METTL15: variants seen among roughly 807,000 people sequenced by gnomAD.
METTL15 encodes the protein methyltransferase 15, mitochondrial 12S rRNA N4-cytidine.
In METTL15, 34 loss-of-function variants were observed where a neutral mutation model predicts 38.3. That is an observed-to-expected ratio of 0.89 (90% CI 0.68 to 1.18). The LOEUF (loss-of-function observed/expected upper bound fraction) is 1.18, where lower values mean the gene tolerates loss of function less well. Among genes scored for constraint, METTL15 ranks in the 50% most tolerant of loss-of-function variants. METTL15 has a pLI of 0.00. For missense variants in METTL15, 438 were observed against 498.4 expected, an observed-to-expected ratio of 0.88 and a Z score of 1.15; for synonymous variants, 162 against 170.9, an observed-to-expected ratio of 0.95 and a Z score of 0.41.
intron 5 of METTL15, among the ~76,000 whole-genome samples, chr11:28,368,855 AC>A (rs1488910560): frequency 6.6e-6 from 1 of 152,134 alleles, no homozygotes; most frequent in Non-Finnish European, 1.5e-5. Context: ...CTTTGCAAAG[AC>A]ATGGATGAAG....
intron 6 of METTL15, among the ~76,000 whole-genome samples, chr11:28,522,390 T>C (rs1851771909): frequency 6.6e-6 from 1 of 152,224 alleles, no homozygotes; most frequent in Admixed American, 6.5e-5. Flanking sequence ...AAGAGCTGAC[T>C]GTACAGTTCA....
chr11:28,400,729 G>T (rs189878676), intron 5 of METTL15, among the ~76,000 whole-genome samples: 151 of 152,028 alleles, frequency 9.9e-4, no homozygotes, highest in African/African-American at 1.9e-3. Context: ...CCACTACTGT[G>T]GGTGGGCTTG....
At chr11:28,279,680 C>T (rs996823005) in intron 4 of METTL15, among the ~76,000 whole-genome samples, 3 of 152,110 alleles carry the variant, frequency 2.0e-5, no homozygotes, top group Non-Finnish European at 2.9e-5. Flanking sequence ...GCAGGTGGAT[C>T]ACAAGGTCAG....
At chr11:28,212,843 T>C (rs1357336527) in intron 4 of METTL15, among the ~76,000 whole-genome samples, 3 of 152,134 alleles carry the variant, frequency 2.0e-5, no homozygotes, top group Non-Finnish European at 4.4e-5. Flanking sequence ...TCGTAAGATA[T>C]TGTTGTTTCT....
intron 4 of METTL15, among the ~76,000 whole-genome samples, chr11:28,247,620 G>A (rs1033956331): frequency 2.6e-5 from 4 of 152,056 alleles, no homozygotes; most frequent in African/African-American, 7.2e-5. Context: ...ACTTAAGATT[G>A]ATCGGTAATT....
intron 4 of METTL15, among the ~76,000 whole-genome samples, chr11:28,242,338 T>G (rs1209950223): frequency 3.3e-5 from 5 of 152,208 alleles, no homozygotes; most frequent in African/African-American, 9.6e-5. Context: ...TATTTTCCAC[T>G]GTATTCTCAG....
intron 5 of METTL15, among the ~76,000 whole-genome samples, chr11:28,291,983 G>C (rs961116495): frequency 6.6e-6 from 1 of 151,954 alleles, no homozygotes; most frequent in South Asian, 2.1e-4. Flanking sequence ...ATGTTGAATG[G>C]CTTTCAGGTA....
chr11:28,175,086 ATCCC>A (rs915786754), intron 3 of METTL15, among the ~76,000 whole-genome samples: 9 of 151,898 alleles, frequency 5.9e-5, no homozygotes, highest in Non-Finnish European at 7.4e-5. Flanking sequence ...TCCAAATGCT[ATCCC>A]TCCCCCCTAC....
intron 5 of METTL15, among the ~76,000 whole-genome samples, chr11:28,378,705 G>T (rs1484903868): frequency 6.6e-6 from 1 of 150,858 alleles, no homozygotes; most frequent in Non-Finnish European, 1.5e-5. Flanking sequence ...ATCTTGTGTT[G>T]GTATCAGGGT....
intron 4 of METTL15, among the ~76,000 whole-genome samples, chr11:28,289,281 C>G (rs998613880): frequency 6.6e-6 from 1 of 152,082 alleles, no homozygotes; most frequent in South Asian, 2.1e-4. Context: ...TGACCCATAG[C>G]AAATATTCAT....
intron 6 of METTL15, among the ~76,000 whole-genome samples, chr11:28,470,207 T>C (rs1215044890): frequency 6.6e-6 from 1 of 152,172 alleles, no homozygotes; most frequent in Admixed American, 6.6e-5. Flanking sequence ...GTGAATGCTT[T>C]TTCCCCCTTG....
Position 28,209,331 on chromosome 11 carries a change from A to C in METTL15, c.271-1731A>C, listed in dbSNP as rs1009368104. Among the ~76,000 whole-genome samples, 6 of 152,006 alleles carry C rather than the reference A, an allele frequency of 3.9e-5. 1 individual carries two copies. Among genetic ancestry groups the C allele is most frequent in the Non-Finnish European group, 5.9e-5 (4 of 67,910 alleles). ...TTGCCTTGGAAAAAATTCTTTGGTT[A>C]AATTATGTTGAACTTCTTAAAATTT... On this transcript the variant is annotated intron_variant, in intron 3 of 6. Coordinates refer to ENST00000407364, the MANE Select transcript of METTL15 (RefSeq NM_001113528.2).
Position 28,306,002 on chromosome 11 carries a change from G to A in METTL15, c.778+9071G>A, listed in dbSNP as rs1389084259. On this transcript the variant is annotated intron_variant, in intron 6 of 6. Transcript: ENST00000407364. ...GTAGAAGACAGGCAATTCAGAGTCC[G>A]ATTCTAGGACCTAATATAATTCCAA... 2.0e-5 allele frequency among the ~76,000 whole-genome samples: 3 copies of A among 152,132 alleles called. 1 individual carries two copies. The highest frequency in any genetic ancestry group is 6.8e-3 in the Middle Eastern group (2 of 294).
chr11:28,485,112 T>TACACACACAC (rs33941898), intron 6 of METTL15, among the ~76,000 whole-genome samples: 2 of 148,748 alleles, frequency 1.3e-5, no homozygotes, highest in Admixed American at 6.7e-5. Context: ...AATGAAGTTT[T>TACACACACAC]ACACACACAC....
intron 6 of METTL15, among the ~76,000 whole-genome samples, chr11:28,328,387 A>G (rs1484374200): frequency 6.6e-6 from 1 of 152,140 alleles, no homozygotes; most frequent in African/African-American, 2.4e-5. Flanking sequence ...TCTCTGATCT[A>G]GTTTCCAAAG....
chr11:28,283,928 AAAG>A (rs1316458669), intron 4 of METTL15, among the ~76,000 whole-genome samples: 3 of 152,188 alleles, frequency 2.0e-5, no homozygotes, highest in African/African-American at 7.2e-5. Flanking sequence ...GAATGGAGGA[AAAG>A]AAGAAGTAAA....
At chr11:28,376,249 C>G (rs1296491576) in intron 5 of METTL15, among the ~76,000 whole-genome samples, 2 of 151,638 alleles carry the variant, frequency 1.3e-5, no homozygotes, top group African/African-American at 2.4e-5. Context: ...GTTGGTCTGT[C>G]TAATGTTGAC....
At chr11:28,278,964 C>T (rs921285936) in intron 4 of METTL15, among the ~76,000 whole-genome samples, 1 of 152,042 alleles carries the variant, frequency 6.6e-6, no homozygotes, top group Non-Finnish European at 1.5e-5. Context: ...GTAGCTGGGA[C>T]CACAGGCACA....
chr11:28,439,128 G>A (rs558070350), intron 6 of METTL15, among the ~76,000 whole-genome samples: 2 of 151,832 alleles, frequency 1.3e-5, no homozygotes, highest in Admixed American at 6.6e-5. Context: ...CTGGATTTTT[G>A]TTCAGTCTTA....
Sources: allele counts gnomAD v4.1 joint callset (sites outside exome capture counted in the v4.1 genomes callset), GRCh38; gene constraint gnomAD v4.1.1; transcripts MANE v1.5; gene names NCBI Gene and HGNC (gene_info 2026-07-23, HGNC 2026-07-21).